The following MORC1 variants were observed in gnomAD, a reference collection of about 807,000 sequenced individuals.
The protein encoded by MORC1 is MORC family CW-type zinc finger 1, also known as MORC family CW-type zinc finger protein 1.
In MORC1, 59 loss-of-function variants were observed where a neutral mutation model predicts 134.9. The observed-to-expected ratio is 0.44, with a 90% CI of 0.35 to 0.54. MORC1 has a LOEUF of 0.54. Ranked by LOEUF, MORC1 falls within the 20% of genes least tolerant of loss-of-function variation. MORC1 has a pLI of 0.00. For missense variants in MORC1, 947 were observed against 1,134.5 expected (o/e 0.83, Z 2.37); for synonymous variants, 395 against 391.7 (o/e 1.01, Z -0.10).
chr3:109,016,736 C>T (rs1327912904), intron 17 of MORC1, among the ~76,000 whole-genome samples: 2 of 152,012 alleles, frequency 1.3e-5, no homozygotes, highest in African/African-American at 4.8e-5. Flanking sequence ...TGGTGGCGGG[C>T]GCCTGTAATC....
intron 26 of MORC1, 119 bp from the exon 27 acceptor site, chr3:108,963,727 T>C (rs28604983): frequency 4.4e-6 from 3 of 674,170 alleles, no homozygotes; most frequent in Non-Finnish European, 7.1e-6. Flanking sequence ...ACTTCGTAGG[T>C]GGTCTAAATT....
intron 2 of MORC1, among the ~76,000 whole-genome samples, chr3:109,113,632 C>T (rs1194040525): frequency 6.6e-6 from 1 of 150,526 alleles, no homozygotes; most frequent in Non-Finnish European, 1.5e-5. Context: ...TGGGGAATAC[C>T]AATATAAAAC....
At chr3:108,965,723 G>GCATAATTATA (rs1384733889) in intron 26 of MORC1, among the ~76,000 whole-genome samples, 1 of 152,024 alleles carries the variant, frequency 6.6e-6, no homozygotes, top group Non-Finnish European at 1.5e-5. Context: ...GCATAATTAT[G>GCATAATTATA]CACTGGGGAA....
At chr3:109,107,456 G>A (rs545107450) in intron 3 of MORC1, among the ~76,000 whole-genome samples, 1 of 152,104 alleles carries the variant, frequency 6.6e-6, no homozygotes, top group Admixed American at 6.5e-5. Flanking sequence ...GAGTGTAAAC[G>A]CAGCACCTAG....
chr3:108,972,498 G>C (rs1466891709), intron 24 of MORC1, among the ~76,000 whole-genome samples: 1 of 152,092 alleles, frequency 6.6e-6, no homozygotes, highest in African/African-American at 2.4e-5. Context: ...AAAATTCTTG[G>C]CATTGCCCAA....
chr3:109,016,274 C>T (rs940893570), intron 17 of MORC1, among the ~76,000 whole-genome samples: 5 of 152,114 alleles, frequency 3.3e-5, no homozygotes, highest in African/African-American at 9.7e-5. Flanking sequence ...AATTCTCATA[C>T]TCTTCTGGAC....
At chr3:109,041,149 A>C (rs1949536847) in intron 14 of MORC1, among the ~76,000 whole-genome samples, 1 of 151,566 alleles carries the variant, frequency 6.6e-6, no homozygotes, top group African/African-American at 2.4e-5. Context: ...GTCTCTACTA[A>C]AAATACAAAA....
intron 8 of MORC1, among the ~76,000 whole-genome samples, chr3:109,089,164 A>C (rs1950671172): frequency 6.6e-6 from 1 of 152,126 alleles, no homozygotes; most frequent in South Asian, 2.1e-4. Context: ...CCTCTGTGAC[A>C]TGAGTTTACC....
At chr3:108,975,380 T>A (rs1465145228) in intron 24 of MORC1, among the ~76,000 whole-genome samples, 1 of 152,062 alleles carries the variant, frequency 6.6e-6, no homozygotes, top group African/African-American at 2.4e-5. Context: ...GTTACTTTCT[T>A]TTTAAAACTT....
At chr3:109,002,708 C>T (rs368760439) in intron 20 of MORC1, among the ~76,000 whole-genome samples, 1 of 152,164 alleles carries the variant, frequency 6.6e-6, no homozygotes, top group African/African-American at 2.4e-5. Flanking sequence ...CTCTACTAAC[C>T]TTTCTTCTAT....
intron 15 of MORC1, among the ~76,000 whole-genome samples, chr3:109,033,949 G>T (rs1036215850): frequency 6.6e-6 from 1 of 152,078 alleles, no homozygotes; most frequent in African/African-American, 2.4e-5. Context: ...CTGGAGATTG[G>T]ATTCTAACAG....
intron 21 of MORC1, among the ~76,000 whole-genome samples, chr3:108,988,826 C>T (rs779452903): frequency 5.9e-5 from 9 of 152,096 alleles, no homozygotes; most frequent in Non-Finnish European, 1.2e-4. Context: ...TACAGCCTCA[C>T]GAAATTAATT....
chr3:108,987,310 T>C (rs1947921313), intron 21 of MORC1, among the ~76,000 whole-genome samples: 1 of 152,234 alleles, frequency 6.6e-6, no homozygotes, highest in South Asian at 2.1e-4. Context: ...ATTGAGCCTC[T>C]ATCGTTTTGA....
intron 21 of MORC1, among the ~76,000 whole-genome samples, chr3:108,997,444 C>T (rs1369166100): frequency 6.6e-6 from 1 of 152,042 alleles, no homozygotes; most frequent in Non-Finnish European, 1.5e-5. Context: ...AAGAGAATCG[C>T]TTACAGTGAG....
At chr3:109,027,561 A>T in intron 17 of MORC1, among the ~76,000 whole-genome samples, 190 bp downstream of exon 17, 1 of 125,752 alleles carries the variant, frequency 8.0e-6, no homozygotes. Context: ...TCACATATAC[A>T]GTATTTTTTT....
chr3:109,081,339 T>TA (rs1209076065), intron 8 of MORC1, among the ~76,000 whole-genome samples: 1 of 151,134 alleles, frequency 6.6e-6, no homozygotes, highest in Non-Finnish European at 1.5e-5. Context: ...CAAAAACAAA[T>TA]AGACAGTGCC....
chr3:109,043,861 AC>A (rs1177655399), intron 14 of MORC1, among the ~76,000 whole-genome samples: 5 of 152,214 alleles, frequency 3.3e-5, no homozygotes, highest in Admixed American at 6.5e-5. Context: ...CTTCCAAAAA[AC>A]ATTAACCAAA....
chr3:109,072,019 T>C (rs889487086), intron 8 of MORC1, among the ~76,000 whole-genome samples: 4 of 152,138 alleles, frequency 2.6e-5, no homozygotes, highest in Non-Finnish European at 5.9e-5. Context: ...CTTTTAGAAG[T>C]TCCTGTTTAT....
chr3:108,979,055 T>A (rs974298512), intron 24 of MORC1, among the ~76,000 whole-genome samples: 10 of 152,140 alleles, frequency 6.6e-5, no homozygotes, highest in Non-Finnish European at 1.3e-4. Flanking sequence ...CTTTGAGAAA[T>A]GAGACCCAGA....
Sources: gnomAD v4.1 joint callset for allele counts (sites outside exome capture counted in the v4.1 genomes callset) on GRCh38, gnomAD v4.1.1 for gene constraint, MANE v1.5 for transcripts, NCBI Gene and HGNC (gene_info 2026-07-23, HGNC 2026-07-21) for gene names.